Variants in CDH4 observed in about 807,000 individuals in gnomAD.
CDH4 encodes the protein cadherin-4.
Under a neutral mutation model 86.0 loss-of-function variants are expected in CDH4, and 33 were observed. The ratio of observed to expected loss-of-function variants is 0.38; its 90% CI spans 0.29 to 0.51. The LOEUF is 0.51. Ranked by LOEUF, CDH4 falls within the 20% of genes least tolerant of loss-of-function variation. The probability of loss-of-function intolerance (pLI) is 0.86; values close to 1 mark genes in which losing one functional copy is unlikely to be tolerated. For synonymous variants in CDH4, 555 were observed against 549.4 expected (o/e 1.01, Z -0.14); for missense variants, 1,114 against 1,307.4 (o/e 0.85, Z 2.28).
chr20:61,452,363 C>T (rs936553360), intron 2 of CDH4, among the ~76,000 whole-genome samples: 1 of 152,122 alleles, frequency 6.6e-6, no homozygotes. Flanking sequence ...GAAAAGCCAG[C>T]CTTAAGTAGC....
At chr20:61,700,676 T>A (rs1444583916) in intron 2 of CDH4, among the ~76,000 whole-genome samples, 1 of 152,122 alleles carries the variant, frequency 6.6e-6, no homozygotes, top group Non-Finnish European at 1.5e-5. Context: ...CGTCACCCCA[T>A]ACGGCCTCCC....
intron 4 of CDH4, among the ~76,000 whole-genome samples, chr20:61,817,041 C>T (rs1429054528): frequency 6.6e-6 from 1 of 152,242 alleles, no homozygotes; most frequent in East Asian, 1.9e-4. Context: ...CATCTGTTTC[C>T]GTTAAAGTGA....
At chr20:61,274,071 G>T (rs2084207761) in intron 2 of CDH4, among the ~76,000 whole-genome samples, 1 of 138,294 alleles carries the variant, frequency 7.2e-6, no homozygotes, top group Non-Finnish European at 1.5e-5. Context: ...GGGAAGTACT[G>T]GGGGAGTACT....
At chr20:61,903,413 C>T (rs1446542852) in intron 8 of CDH4, among the ~76,000 whole-genome samples, 3 of 151,912 alleles carry the variant, frequency 2.0e-5, no homozygotes, top group African/African-American at 4.8e-5. Flanking sequence ...GGCATGATGG[C>T]GGGTGCTTGT....
intron 2 of CDH4, among the ~76,000 whole-genome samples, chr20:61,293,080 G>A (rs1600840611): frequency 1.3e-5 from 2 of 152,326 alleles, no homozygotes; most frequent in African/African-American, 4.8e-5. Context: ...AGCCACTTCC[G>A]CAGATCCCCT....
intron 2 of CDH4, among the ~76,000 whole-genome samples, chr20:61,667,445 C>T (rs2087339354): frequency 6.6e-6 from 1 of 152,230 alleles, no homozygotes; most frequent in South Asian, 2.1e-4. Context: ...GTCACAGAGC[C>T]AGAAAGTGAC....
intron 6 of CDH4, among the ~76,000 whole-genome samples, chr20:61,859,533 C>T (rs891133759): frequency 7.2e-5 from 11 of 152,174 alleles, no homozygotes; most frequent in Non-Finnish European, 5.9e-5. Flanking sequence ...TTGTAGTTTA[C>T]GTTAGGTCCA....
intron 2 of CDH4, among the ~76,000 whole-genome samples, chr20:61,728,605 T>C (rs544016365): frequency 1.3e-5 from 2 of 152,214 alleles, no homozygotes; most frequent in South Asian, 4.2e-4. Flanking sequence ...GTTTCCTCTT[T>C]GGGAAAATGG....
At chr20:61,677,590 C>G (rs6061723) in intron 2 of CDH4, among the ~76,000 whole-genome samples, 112,494 of 150,746 alleles carry the variant, frequency 0.75, 42,220 homozygotes, top group East Asian at 0.88. Context: ...GCACATCCCC[C>G]TCAGATCCAA....
chr20:61,934,255 G>T, intron 15 of CDH4, 35 bp downstream of exon 15: 1 of 1,502,104 alleles, frequency 6.7e-7, no homozygotes, highest in Non-Finnish European at 8.9e-7. Context: ...GCCCGGGCAA[G>T]GTGTCTCCTC....
chr20:61,647,168 G>A (rs1014653748), intron 2 of CDH4, among the ~76,000 whole-genome samples: 13 of 152,164 alleles, frequency 8.5e-5, no homozygotes, highest in East Asian at 1.9e-4. Context: ...CGCCAGGCAC[G>A]TGTTCCCAAG....
At chr20:61,577,948 C>G (rs1165368131) in intron 2 of CDH4, among the ~76,000 whole-genome samples, 2 of 152,126 alleles carry the variant, frequency 1.3e-5, no homozygotes, top group Non-Finnish European at 2.9e-5. Flanking sequence ...GTCTCCTTCC[C>G]TCCTTCAAGC....
intron 2 of CDH4, among the ~76,000 whole-genome samples, chr20:61,322,981 C>G (rs925133691): frequency 2.0e-5 from 3 of 152,170 alleles, no homozygotes; most frequent in African/African-American, 7.2e-5. Context: ...CTAGAACATT[C>G]AAGGATCCTC....
chr20:61,319,048 C>T (rs540397542), intron 2 of CDH4, among the ~76,000 whole-genome samples: 3 of 152,348 alleles, frequency 2.0e-5, no homozygotes, highest in South Asian at 2.1e-4. Context: ...TTAGTTTCCA[C>T]GATCTTAACA....
chr20:61,889,946 GGATGGTTGGAT>G (rs1984736585), intron 7 of CDH4, among the ~76,000 whole-genome samples: 1 of 150,540 alleles, frequency 6.6e-6, no homozygotes, highest in East Asian at 2.0e-4. Flanking sequence ...ATGAGTGAGT[GGATGGTTGGAT>G]GATGGATGGA....
chr20:61,692,219 ATGTGTGTATGTGTGTGTATGTATG>A (rs2087665705), intron 2 of CDH4, among the ~76,000 whole-genome samples: 1 of 146,156 alleles, frequency 6.8e-6, no homozygotes, highest in African/African-American at 2.5e-5. Context: ...CTATGTATGT[ATGTGTGTATGTGTGTGTATGTATG>A]TGTGTGTATG....
At chr20:61,855,279 A>T (rs756979940) in intron 6 of CDH4, among the ~76,000 whole-genome samples, 1 of 151,994 alleles carries the variant, frequency 6.6e-6, no homozygotes, top group Non-Finnish European at 1.5e-5. Context: ...GGTGAATTGC[A>T]CCCTTGATTG....
In CDH4 at chr20:61,252,265, G is replaced by A. The variant is rs1485307737; in HGVS notation, c.-249G>A. Reference sequence around the variant, plus strand: ...GCAGCTCCGAGCGCGCGGAACAGAGGCGCGGGCGGCTGCGAGGCCGGCGGA... The same window carrying A: ...GCAGCTCCGAGCGCGCGGAACAGAGACGCGGGCGGCTGCGAGGCCGGCGGA... On this transcript the variant is annotated 5_prime_UTR_variant, in exon 1 of 16. Transcript: ENST00000614565. This position sits in a 1 kb window ranked among gnomAD's most constrained non-coding sequence, Gnocchi z 4.4. 6.8e-6 allele frequency among the ~76,000 whole-genome samples: 1 copy of A among 147,262 alleles called. No homozygotes were observed. Among genetic ancestry groups the A allele is most frequent in the Non-Finnish European group, 1.5e-5 (1 of 66,192 alleles).
chr20:61,445,548 C>T (rs1205783240), intron 2 of CDH4, among the ~76,000 whole-genome samples: 4 of 152,022 alleles, frequency 2.6e-5, no homozygotes, highest in Admixed American at 2.0e-4. Flanking sequence ...GGCTTCCCTC[C>T]GGCCCCTCCT....
Sources: gnomAD v4.1 joint callset for allele counts (sites outside exome capture counted in the v4.1 genomes callset) on GRCh38, gnomAD v4.1.1 for gene constraint, Gnocchi (gnomAD v3.1) non-coding constraint, MANE v1.5 for transcripts, NCBI Gene and HGNC (gene_info 2026-07-23, HGNC 2026-07-21) for gene names.